The following CELF5 variants were observed in gnomAD, a reference collection of about 807,000 sequenced individuals.
CELF5 encodes the protein CUG-BP and ETR-3 like factor 5.
CELF5 carries 6 observed loss-of-function variants against 54.9 expected under a neutral mutation model. The observed-to-expected ratio is 0.11, with a 90% CI of 0.06 to 0.22. The LOEUF (loss-of-function observed/expected upper bound fraction) is 0.22. CELF5 is among the 10% of genes least tolerant of loss of function. The pLI is 1.00. For synonymous variants in CELF5, 271 were observed against 290.9 expected (o/e 0.93, Z 0.70); for missense variants, 401 against 678.6 (o/e 0.59, Z 4.54).
chr19:3,259,907 G>A (rs1254094268), intron 2 of CELF5, among the ~76,000 whole-genome samples: 1 of 152,156 alleles, frequency 6.6e-6, no homozygotes, highest in East Asian at 1.9e-4. Context: ...GAGAGACCTT[G>A]CCTAGGAAGA....
chr19:3,287,062 A>T (rs1401002725), intron 10 of CELF5, among the ~76,000 whole-genome samples: 1 of 125,504 alleles, frequency 8.0e-6, no homozygotes, highest in Non-Finnish European at 1.9e-5. Flanking sequence ...AAGAAAAGAA[A>T]AGAAAAAAAT....
chr19:3,271,755 G>A (rs1260979907), intron 2 of CELF5, among the ~76,000 whole-genome samples: 1 of 152,088 alleles, frequency 6.6e-6, no homozygotes, highest in African/African-American at 2.4e-5. Flanking sequence ...CTGAGGAGGG[G>A]AGTGCAAAAT....
chr19:3,284,451 T>C (rs2080200797), intron 8 of CELF5, among the ~76,000 whole-genome samples: 1 of 152,078 alleles, frequency 6.6e-6, no homozygotes, highest in Non-Finnish European at 1.5e-5. Flanking sequence ...TCCCTAGCGG[T>C]AGCAGGAAGG....
At chr19:3,276,995 A>G (rs946970297) in intron 4 of CELF5, among the ~76,000 whole-genome samples, 2 of 152,166 alleles carry the variant, frequency 1.3e-5, no homozygotes, top group African/African-American at 4.8e-5. Flanking sequence ...TGATTTGTCC[A>G]TATGACTGAC....
chr19:3,268,595 C>T lies in CELF5; in HGVS notation c.343-5277C>T, dbSNP rs904163821. 5.3e-5 allele frequency among the ~76,000 whole-genome samples: 8 copies of T among 151,982 alleles called. No individual in the cohort carries two copies. Among genetic ancestry groups the T allele is most frequent in the Non-Finnish European group, 1.0e-4 (7 of 68,000 alleles). On this transcript the variant is annotated intron_variant, in intron 2 of 12. Coordinates refer to ENST00000292672, the MANE Select transcript of CELF5 (RefSeq NM_021938.4). The surrounding 1 kb of genome is among the most constrained non-coding windows in gnomAD (Gnocchi z 4.4). ...GGGATGGAGCCTGGGTTTTGCTTTC[C>T]GAGGAGTCTACAAACCCGTGTATCA...
At chr19:3,271,497 G>A (rs931120846) in intron 2 of CELF5, among the ~76,000 whole-genome samples, 2 of 152,202 alleles carry the variant, frequency 1.3e-5, no homozygotes, top group African/African-American at 2.4e-5. Flanking sequence ...GGAAGGTTGG[G>A]CTGGGAGGAT....
At chr19:3,284,056 A>G (rs1027109201) in intron 8 of CELF5, among the ~76,000 whole-genome samples, 1 of 151,516 alleles carries the variant, frequency 6.6e-6, no homozygotes, top group Non-Finnish European at 1.5e-5. Context: ...TATGTTGCCC[A>G]AGCTGGTCTC....
rs910724597 is a variant in CELF5 at position 3,275,612 on chromosome 19, G to C, written c.395-244G>C. ...AGACTGCAGGGAGGGCATTCCAGGC[G>C]GGGGCGCCACCTGGGCAAAGGCCGG... On this transcript the variant is annotated intron_variant, in intron 3 of 12. Coordinates refer to ENST00000292672, the MANE Select transcript of CELF5 (RefSeq NM_021938.4). This position sits in a 1 kb window ranked among gnomAD's most constrained non-coding sequence, Gnocchi z 6.7. Among the ~76,000 whole-genome samples, 4 of 152,334 alleles carry C rather than the reference G, an allele frequency of 2.6e-5. No individual in the cohort carries two copies. The highest frequency in any genetic ancestry group is 1.9e-4 in the East Asian group (1 of 5,162).
At chr19:3,226,476 A>ACACACACAC (rs1555715644) in intron 1 of CELF5, among the ~76,000 whole-genome samples, 15 of 151,080 alleles carry the variant, frequency 9.9e-5, no homozygotes, top group South Asian at 8.4e-4. Flanking sequence ...ACACACACAC[A>ACACACACAC]AAATTGGGCC....
At chr19:3,280,346 G>A (rs1013966426) in intron 5 of CELF5, among the ~76,000 whole-genome samples, 3 of 151,930 alleles carry the variant, frequency 2.0e-5, no homozygotes, top group African/African-American at 4.8e-5. Context: ...CGAGGCGGGC[G>A]GATCACTTGA....
At chr19:3,287,664 G>A (rs1434764789) in intron 10 of CELF5, among the ~76,000 whole-genome samples, 3 of 151,906 alleles carry the variant, frequency 2.0e-5, no homozygotes, top group Admixed American at 6.6e-5. Flanking sequence ...ACGGCAGGAG[G>A]GTCACTTGAG....
At chr19:3,263,346 G>A (rs1211025024) in intron 2 of CELF5, among the ~76,000 whole-genome samples, 1 of 150,824 alleles carries the variant, frequency 6.6e-6, no homozygotes, top group Non-Finnish European at 1.5e-5. Context: ...GATTACCTAA[G>A]GTCAGGAGAT....
chr19:3,250,619 TAC>T (rs2079635319), intron 1 of CELF5, among the ~76,000 whole-genome samples: 4 of 152,042 alleles, frequency 2.6e-5, no homozygotes, highest in Non-Finnish European at 4.4e-5. Flanking sequence ...GTCCCCATGA[TAC>T]ACTCAGTCCT....
intron 10 of CELF5, among the ~76,000 whole-genome samples, chr19:3,289,608 G>A (rs1370984109): frequency 1.4e-5 from 2 of 143,022 alleles, no homozygotes; most frequent in Non-Finnish European, 3.0e-5. Context: ...CTTGAATCCA[G>A]GAGGCAGAGG....
At chr19:3,264,303 G>GTT (rs11419528) in intron 2 of CELF5, among the ~76,000 whole-genome samples, 2,795 of 144,064 alleles carry the variant, frequency 0.019, 85 homozygotes, top group African/African-American at 0.061. Context: ...AGCACTAGGT[G>GTT]TTTTTTTTTT....
chr19:3,249,165 AG>A (rs1263062736), intron 1 of CELF5, among the ~76,000 whole-genome samples: 1 of 151,800 alleles, frequency 6.6e-6, no homozygotes, highest in Admixed American at 6.6e-5. Flanking sequence ...CTGGGAGACC[AG>A]GGACCATAGG....
chr19:3,237,548 C>T (rs369667911), intron 1 of CELF5, among the ~76,000 whole-genome samples: 138 of 152,094 alleles, frequency 9.1e-4, no homozygotes, highest in African/African-American at 3.2e-3. Flanking sequence ...TGTCGTGGCG[C>T]GGGTGGGAGT....
At chr19:3,272,367 C>CCCA (rs2079980941) in intron 2 of CELF5, among the ~76,000 whole-genome samples, 1 of 145,168 alleles carries the variant, frequency 6.9e-6, no homozygotes, top group African/African-American at 2.5e-5. Flanking sequence ...GAGTCCGTCC[C>CCCA]AAGAAAAAAA....
chr19:3,274,498 C>T (rs780183252), intron 3 of CELF5, among the ~76,000 whole-genome samples: 6 of 152,122 alleles, frequency 3.9e-5, no homozygotes, highest in Non-Finnish European at 7.4e-5. Flanking sequence ...GCCCAGCCCG[C>T]GCATGGGTGT....
Sources: gnomAD v4.1 joint callset for allele counts (sites outside exome capture counted in the v4.1 genomes callset) on GRCh38, gnomAD v4.1.1 for gene constraint, Gnocchi (gnomAD v3.1) non-coding constraint, MANE v1.5 for transcripts, NCBI Gene and HGNC (gene_info 2026-07-23, HGNC 2026-07-21) for gene names.